CLDN10: variants seen among roughly 807,000 people sequenced by gnomAD.
The protein encoded by CLDN10 is claudin-10.
In CLDN10, 15 loss-of-function variants were observed where a neutral mutation model predicts 22.9. The observed-to-expected ratio is 0.65, with a 90% CI of 0.44 to 1.01. The LOEUF (loss-of-function observed/expected upper bound fraction) is 1.01. Among genes scored for constraint, CLDN10 ranks in the 50% least tolerant of loss-of-function variants. CLDN10 has a pLI of 0.00. For synonymous variants in CLDN10, 114 were observed against 111.4 expected (o/e 1.02, Z -0.15); for missense variants, 247 against 287.8 (o/e 0.86, Z 1.03).
At chr13:95,492,896 C>T (rs940509515) in intron 1 of CLDN10, among the ~76,000 whole-genome samples, 1 of 152,144 alleles carries the variant, frequency 6.6e-6, no homozygotes, top group Non-Finnish European at 1.5e-5. Flanking sequence ...TAACTTGACT[C>T]AGCTTGAGGT....
intron 1 of CLDN10, among the ~76,000 whole-genome samples, chr13:95,442,015 A>G (rs953953669): frequency 1.3e-5 from 2 of 152,122 alleles, no homozygotes; most frequent in Non-Finnish European, 1.5e-5. Context: ...GGTGGCCATG[A>G]TGGTGGGCAC....
intron 3 of CLDN10, among the ~76,000 whole-genome samples, chr13:95,566,311 C>T (rs911082478): frequency 3.9e-5 from 6 of 152,154 alleles, no homozygotes; most frequent in Non-Finnish European, 5.9e-5. Context: ...TTTTAATGAT[C>T]GCCATTCTAA....
At chr13:95,441,000 T>C (rs2042319160) in intron 1 of CLDN10, among the ~76,000 whole-genome samples, 3 of 152,244 alleles carry the variant, frequency 2.0e-5, no homozygotes, top group African/African-American at 7.2e-5. Context: ...TCTTCATCCA[T>C]AGTTCCTCTT....
At chr13:95,529,461 T>A (rs1312465641) in intron 1 of CLDN10, among the ~76,000 whole-genome samples, 1 of 152,184 alleles carries the variant, frequency 6.6e-6, no homozygotes, top group Non-Finnish European at 1.5e-5. Flanking sequence ...TTCGCCTTAT[T>A]AATATGTTAT....
At chr13:95,482,703 G>T (rs1245436582) in intron 1 of CLDN10, among the ~76,000 whole-genome samples, 1 of 152,118 alleles carries the variant, frequency 6.6e-6, no homozygotes, top group Non-Finnish European at 1.5e-5. Flanking sequence ...CTGGCTGGGC[G>T]CGGTGGCTCA....
chr13:95,531,732 G>T lies in CLDN10; in HGVS notation c.215-28400G>T, dbSNP rs111299499. 7.2e-3 allele frequency among the ~76,000 whole-genome samples: 1,081 copies of T among 150,328 alleles called. 16 individuals are homozygous for T. Among genetic ancestry groups the T allele is most frequent in the African/African-American group, 0.025 (1,035 of 40,816 alleles). ...TTTTTTTGATATTTTTAGTGGAGAC[G>T]GGGTTTCACTATGTTGGCCAGGCTG... On this transcript the variant is annotated intron_variant, in intron 1 of 4. Transcript: ENST00000376873.
At chr13:95,566,749 T>C (rs547682856) in intron 3 of CLDN10, among the ~76,000 whole-genome samples, 84 of 152,352 alleles carry the variant, frequency 5.5e-4, no homozygotes, top group Non-Finnish European at 9.6e-4. Context: ...GCTTTTATGG[T>C]TTTATGTCTT....
intron 1 of CLDN10, among the ~76,000 whole-genome samples, chr13:95,444,826 A>C (rs2042357035): frequency 6.6e-6 from 1 of 151,872 alleles, no homozygotes; most frequent in Non-Finnish European, 1.5e-5. Context: ...ACAGAGTCTC[A>C]CTCTGTCACA....
At chr13:95,494,665 A>G (rs2042909410) in intron 1 of CLDN10, among the ~76,000 whole-genome samples, 1 of 152,212 alleles carries the variant, frequency 6.6e-6, no homozygotes, top group African/African-American at 2.4e-5. Flanking sequence ...TTACAAATGT[A>G]TTGTCTGAAT....
At chr13:95,471,698 C>T (rs905389559) in intron 1 of CLDN10, among the ~76,000 whole-genome samples, 5 of 151,926 alleles carry the variant, frequency 3.3e-5, no homozygotes, top group Non-Finnish European at 7.4e-5. Flanking sequence ...GTGATCCACC[C>T]TCATTGGCCT....
At chr13:95,470,925 T>C (rs1295231519) in intron 1 of CLDN10, among the ~76,000 whole-genome samples, 1 of 152,126 alleles carries the variant, frequency 6.6e-6, no homozygotes, top group African/African-American at 2.4e-5. Flanking sequence ...AACAAATGCA[T>C]GAGCCCCTAC....
At chr13:95,487,886 C>G (rs1182205218) in intron 1 of CLDN10, among the ~76,000 whole-genome samples, 1 of 151,962 alleles carries the variant, frequency 6.6e-6, no homozygotes, top group Non-Finnish European at 1.5e-5. Context: ...CAGTGTTGCT[C>G]AAGCTGGTCT....
intron 3 of CLDN10, among the ~76,000 whole-genome samples, chr13:95,562,603 G>A (rs762923063): frequency 5.9e-5 from 9 of 152,034 alleles, no homozygotes; most frequent in Non-Finnish European, 1.0e-4. Flanking sequence ...TATTTCTGAA[G>A]CTTAGAAATA....
At chr13:95,478,120 C>T (rs955148481) in intron 1 of CLDN10, among the ~76,000 whole-genome samples, 1 of 151,312 alleles carries the variant, frequency 6.6e-6, no homozygotes, top group Non-Finnish European at 1.5e-5. Flanking sequence ...GCCTGGCCAA[C>T]ATGGCAAAAC....
rs2043687966 is a variant in CLDN10, at chr13:95,560,155, C to G, written c.244C>G (p.Leu82Val). The G allele has an allele frequency of 6.2e-7, 1 of 1,614,124 alleles. No individual in the cohort carries two copies. Among genetic ancestry groups the G allele is most frequent in the Non-Finnish European group, 8.5e-7 (1 of 1,179,976 alleles). ...LDGYIQACRG[L>V]MIAAVSLGFF... ...AGGTTATATACAGGCATGTAGAGGA[C>G]TTATGATCGCTGCTGTCAGCCTGGG... The change falls in exon 2 of 5, where the codon CTT becomes GTT. Residue 82 changes from leucine (L) to valine (V), a missense_variant. Leu to Val is a conservative substitution (Grantham distance 32). Coordinates refer to ENST00000299339, the MANE Select transcript of CLDN10 (RefSeq NM_006984.5).
Position 95,578,308 on chromosome 13 carries a change from C to T in CLDN10, c.*294C>T, listed in dbSNP as rs183290700. 1.7e-3 allele frequency: 340 copies of T among 205,344 alleles called. 2 individuals are homozygous for T. The highest frequency in any genetic ancestry group is 4.0e-3 in the Middle Eastern group (2 of 504). The allele number at this position is 205,344 out of a possible 1,614,324, so 12.7% of individuals were successfully genotyped here. A position where few individuals can be genotyped will look rare whatever the true frequency, so the allele number is the denominator to read the frequency against. On this transcript the variant is annotated 3_prime_UTR_variant, in exon 5 of 5. Transcript: ENST00000299339. Reference sequence around the variant, plus strand: ...TAGTACCAAAGGTTCAAGAAGTATTCGTACTCTAGCCTTTTTAATCATTCA... The same window carrying T: ...TAGTACCAAAGGTTCAAGAAGTATTTGTACTCTAGCCTTTTTAATCATTCA...
chr13:95,524,872 T>TATTTAG (rs1473728774), intron 1 of CLDN10, among the ~76,000 whole-genome samples: 2 of 151,438 alleles, frequency 1.3e-5, no homozygotes, highest in Non-Finnish European at 2.9e-5. Flanking sequence ...TTTATTTTTT[T>TATTTAG]TTTTGAGACA....
intron 1 of CLDN10, chr13:95,434,089 T>C (rs940852877): frequency 1.3e-6 from 2 of 1,555,846 alleles, no homozygotes; most frequent in Non-Finnish European, 1.8e-6. Flanking sequence ...TAAAATGTAC[T>C]TTTCCCCCCG....
In CLDN10 at chr13:95,511,797, T is replaced by C; in HGVS notation, c.215-48335T>C. ...TTTTTTTTTTTTTTTTTGGTTTTTG[T>C]TTGTTTGTGTTCTGTTTGTATATCT... On this transcript the variant is annotated intron_variant, in intron 1 of 4. Coordinates refer to the CLDN10 transcript ENST00000376873. Among the ~76,000 whole-genome samples the C allele has an allele frequency of 1.5e-4, 2 of 13,152 alleles. 1 individual carries two copies. The highest frequency in any genetic ancestry group is 1.1e-3 in the Non-Finnish European group (2 of 1,870). The allele number at this position is 13,152 out of a possible 152,430, so 8.6% of individuals were successfully genotyped here. A position where few individuals can be genotyped will look rare whatever the true frequency, so the allele number is the denominator to read the frequency against.
Sources: gnomAD v4.1 joint callset for allele counts (sites outside exome capture counted in the v4.1 genomes callset) on GRCh38, gnomAD v4.1.1 for gene constraint, MANE v1.5 for transcripts, NCBI Gene and HGNC (gene_info 2026-07-23, HGNC 2026-07-21) for gene names.